The following LPAR3 variants were observed in gnomAD, a reference collection of about 807,000 sequenced individuals.
LPAR3 encodes LPA receptor 3.
LPAR3 carries 7 observed loss-of-function variants against 17.8 expected under a neutral mutation model. That is an observed-to-expected ratio of 0.39 (90% CI 0.22 to 0.74). The LOEUF is 0.74. Among genes scored for constraint, LPAR3 ranks in the 30% least tolerant of loss-of-function variants. The probability of loss-of-function intolerance (pLI) is 0.40; values close to 1 mark genes in which losing one functional copy is unlikely to be tolerated. For missense variants in LPAR3, 391 were observed against 453.4 expected, an observed-to-expected ratio of 0.86 and a Z score of 1.25; for synonymous variants, 179 against 179.9, an observed-to-expected ratio of 0.99 and a Z score of 0.04.
At chr1:84,843,685 C>G (rs571313709) in intron 2 of LPAR3, among the ~76,000 whole-genome samples, 1 of 152,236 alleles carries the variant, frequency 6.6e-6, no homozygotes, top group Non-Finnish European at 1.5e-5. Context: ...CTAAAGAGAT[C>G]TAAGTGCTTC....
rs10579519 is a variant in LPAR3 at position 84,812,423 on chromosome 1, C to CTTTTTTTTTTTTT, written c.*1410_*1422dup. 1.3e-5 allele frequency: 1 copy of CTTTTTTTTTTTTT among 75,090 alleles called. No homozygotes were observed. Among genetic ancestry groups the CTTTTTTTTTTTTT allele is most frequent in the African/African-American group, 5.8e-5 (1 of 17,212 alleles). The allele number at this position is 75,090 out of a possible 1,614,324, so 4.7% of individuals were successfully genotyped here. A position where few individuals can be genotyped will look rare whatever the true frequency, so the allele number is the denominator to read the frequency against. ...CATGTGTTCCCTGACATTCTCTAGT[C>CTTTTTTTTTTTTT]TTTTTTTTTTTTTTTTTTTTTTTTT... On this transcript the variant is annotated 3_prime_UTR_variant, in exon 3 of 3. Coordinates refer to ENST00000370611, the MANE Select transcript of LPAR3 (RefSeq NM_012152.3).
At chr1:84,827,376 G>A (rs1659179433) in intron 2 of LPAR3, among the ~76,000 whole-genome samples, 1 of 152,138 alleles carries the variant, frequency 6.6e-6, no homozygotes, top group African/African-American at 2.4e-5. Flanking sequence ...TATTATGGGG[G>A]TAGGGGTTGT....
intron 2 of LPAR3, among the ~76,000 whole-genome samples, chr1:84,851,401 TA>T (rs1659709415): frequency 6.6e-6 from 1 of 152,038 alleles, no homozygotes; most frequent in South Asian, 2.1e-4. Context: ...GCTCATTATA[TA>T]AACATTTACT....
At chr1:84,821,974 A>C (rs1158000226) in intron 2 of LPAR3, among the ~76,000 whole-genome samples, 2 of 152,180 alleles carry the variant, frequency 1.3e-5, no homozygotes, top group African/African-American at 4.8e-5. Flanking sequence ...TGTAGAAGGC[A>C]GCCAGGAGCA....
chr1:84,892,214 A>AAAATAATAAAT (rs1553150719), intron 1 of LPAR3, among the ~76,000 whole-genome samples: 46 of 135,600 alleles, frequency 3.4e-4, no homozygotes, highest in Middle Eastern at 3.8e-3. Context: ...CTGTGTCTCA[A>AAAATAATAAAT]AAATAAATAA....
At chr1:84,847,358 G>A (rs2102757168) in intron 2 of LPAR3, among the ~76,000 whole-genome samples, 1 of 152,332 alleles carries the variant, frequency 6.6e-6, no homozygotes, top group Middle Eastern at 3.4e-3. Flanking sequence ...TTAGAAACCA[G>A]CATGTGTGTG....
At chr1:84,879,146 A>G (rs552589231) in intron 1 of LPAR3, among the ~76,000 whole-genome samples, 21 of 152,256 alleles carry the variant, frequency 1.4e-4, no homozygotes, top group African/African-American at 5.1e-4. Flanking sequence ...AAGTCATGCA[A>G]TGGGTGGTAT....
chr1:84,889,232 C>T (rs1376945167), intron 1 of LPAR3, among the ~76,000 whole-genome samples: 1 of 152,158 alleles, frequency 6.6e-6, no homozygotes, highest in Non-Finnish European at 1.5e-5. Flanking sequence ...CTTGCCAGGA[C>T]AGGTAGAGAG....
intron 2 of LPAR3, among the ~76,000 whole-genome samples, chr1:84,848,587 T>C (rs1659636676): frequency 6.6e-6 from 1 of 152,146 alleles, no homozygotes; most frequent in South Asian, 2.1e-4. Context: ...TGAAGAAGGG[T>C]CCAGTTAACA....
At chr1:84,862,134 A>G (rs1659951664) in intron 2 of LPAR3, among the ~76,000 whole-genome samples, 1 of 152,254 alleles carries the variant, frequency 6.6e-6, no homozygotes, top group Non-Finnish European at 1.5e-5. Context: ...GCAAATGATT[A>G]TGCCTACAAG....
chr1:84,867,310 G>T (rs969364792), intron 1 of LPAR3, among the ~76,000 whole-genome samples: 1 of 152,166 alleles, frequency 6.6e-6, no homozygotes, highest in Non-Finnish European at 1.5e-5. Flanking sequence ...CTAGCTTCTT[G>T]GAAGAATGAC....
intron 1 of LPAR3, among the ~76,000 whole-genome samples, chr1:84,892,380 T>C (rs1660569408): frequency 6.6e-6 from 1 of 152,178 alleles, no homozygotes; most frequent in Admixed American, 6.5e-5. Flanking sequence ...TAAGCAATTT[T>C]GTGTAGCTGC....
At chr1:84,850,338 C>A (rs1442707446) in intron 2 of LPAR3, among the ~76,000 whole-genome samples, 1 of 134,788 alleles carries the variant, frequency 7.4e-6, no homozygotes, top group Admixed American at 8.8e-5. Context: ...GGGAGAATCG[C>A]TTGAGACCAG....
intron 2 of LPAR3, among the ~76,000 whole-genome samples, chr1:84,859,279 T>C (rs1003518888): frequency 6.6e-6 from 1 of 152,208 alleles, no homozygotes; most frequent in African/African-American, 2.4e-5. Context: ...TATCGTTTCG[T>C]TGCTTACTGC....
intron 1 of LPAR3, among the ~76,000 whole-genome samples, chr1:84,890,473 G>T (rs1660532793): frequency 6.6e-6 from 1 of 152,170 alleles, no homozygotes; most frequent in Admixed American, 6.5e-5. Context: ...CTTGGGAGAT[G>T]GATATAATCT....
intron 2 of LPAR3, among the ~76,000 whole-genome samples, chr1:84,828,036 T>C (rs763668651): frequency 1.1e-4 from 17 of 151,990 alleles, no homozygotes; most frequent in Admixed American, 3.3e-4. Context: ...GAGAAATAAT[T>C]ATTTAGCAAG....
Position 84,813,605 on chromosome 1 carries a change from T to G in LPAR3, c.*241A>C. 2.1e-6 allele frequency: 1 copy of G among 473,200 alleles called. No homozygotes were observed. The highest frequency in any genetic ancestry group is 3.8e-6 in the Non-Finnish European group (1 of 262,922). 29.3% of individuals were successfully genotyped at this position (473,200 alleles called of 1,614,324 possible). ...CTGGACTGACAGGAGCTCTGAGCAG[T>G]TCATAGGACAAGCAGGGACCCGCCG... On this transcript the variant is annotated 3_prime_UTR_variant, in exon 3 of 3. Transcript: ENST00000370611.
intron 2 of LPAR3, among the ~76,000 whole-genome samples, chr1:84,816,763 C>A (rs1658940479): frequency 6.6e-6 from 1 of 152,158 alleles, no homozygotes; most frequent in South Asian, 2.1e-4. Context: ...TGCCACTGCA[C>A]TCCAGCCTGG....
At chr1:84,875,246 ATTC>A (rs2102769580) in intron 1 of LPAR3, among the ~76,000 whole-genome samples, 1 of 151,280 alleles carries the variant, frequency 6.6e-6, no homozygotes, top group Non-Finnish European at 1.5e-5. Context: ...TGAAAGAGAT[ATTC>A]TTCTTATACA....
Sources: allele counts gnomAD v4.1 joint callset (sites outside exome capture counted in the v4.1 genomes callset), GRCh38; gene constraint gnomAD v4.1.1; transcripts MANE v1.5; gene names NCBI Gene and HGNC (gene_info 2026-07-23, HGNC 2026-07-21).